The following MPPED1 variants were observed in gnomAD, a reference collection of about 807,000 sequenced individuals.
MPPED1 encodes metallophosphoesterase domain-containing protein 1.
Under a neutral mutation model 36.2 loss-of-function variants are expected in MPPED1, and 16 were observed. The ratio of observed to expected loss-of-function variants is 0.44; its 90% CI spans 0.30 to 0.67. The LOEUF (loss-of-function observed/expected upper bound fraction) is 0.67. Among genes scored for constraint, MPPED1 ranks in the 30% least tolerant of loss-of-function variants. The pLI is 0.10. For synonymous variants in MPPED1, 199 were observed against 191.3 expected (o/e 1.04, Z -0.33); for missense variants, 307 against 453.4 (o/e 0.68, Z 2.93).
chr22:43,484,343 G>C (rs73170009), intron 4 of MPPED1, among the ~76,000 whole-genome samples: 5,036 of 152,304 alleles, frequency 0.033, 99 homozygotes, highest in South Asian at 0.054. Flanking sequence ...CTAGCATCTG[G>C]CTCAAGATCT....
intron 4 of MPPED1, among the ~76,000 whole-genome samples, chr22:43,497,119 G>A (rs1407266120): frequency 1.3e-5 from 2 of 151,162 alleles, no homozygotes; most frequent in African/African-American, 4.9e-5. Flanking sequence ...TGGAGGTGGT[G>A]ATGGACGTGG....
Position 43,502,590 on chromosome 22 carries a change from G to C in MPPED1, c.749-54G>C. 1 of 1,448,106 alleles carries C rather than the reference G, an allele frequency of 6.9e-7. No homozygotes were observed. The highest frequency in any genetic ancestry group is 9.7e-7 in the Non-Finnish European group (1 of 1,033,010). The allele number at this position is 1,448,106 out of a possible 1,614,324, so 89.7% of individuals were successfully genotyped here. A position where few individuals can be genotyped will look rare whatever the true frequency, so the allele number is the denominator to read the frequency against. On this transcript the variant is annotated intron_variant, in intron 5 of 6. Transcript: ENST00000443721. The surrounding 1 kb of genome is among the most constrained non-coding windows in gnomAD (Gnocchi z 5.5). ...AGAAGCTGCTGCTAGGCGTGGGGCA[G>C]TGAGGGGCTGGGACAGACCGCGTCA... is the stretch of plus-strand genomic sequence containing the variant.
intron 4 of MPPED1, among the ~76,000 whole-genome samples, chr22:43,493,463 CA>C (rs1385102619): frequency 6.6e-6 from 1 of 152,184 alleles, no homozygotes; most frequent in Non-Finnish European, 1.5e-5. Context: ...GAGGCACTGG[CA>C]ATGGCAAAGC....
At chr22:43,414,232 C>G (rs1929001912) in intron 1 of MPPED1, among the ~76,000 whole-genome samples, 1 of 152,234 alleles carries the variant, frequency 6.6e-6, no homozygotes, top group South Asian at 2.1e-4. Flanking sequence ...AAATCTTCAT[C>G]CAATGAATGT....
rs540641073 is a variant in MPPED1 at position 43,505,604 on chromosome 22, C to T, written c.969C>T (p.Pro323=). The change falls in exon 7 of 7, where the codon CCC becomes CCT. Residue 323 remains proline, a synonymous_variant. Transcript: ENST00000443721. ...NPPIVIDLPT[P]RNS is the part of the protein sequence containing the mutation. The stretch of plus-strand genomic sequence containing the variant: ...CCATAGTCATCGACCTCCCCACACC[C>T]CGGAACTCCTGACTGCTCCCCACTG... 6.2e-7 allele frequency: 1 copy of T among 1,610,364 alleles called. No homozygotes were observed. The highest frequency in any genetic ancestry group is 1.3e-5 in the African/African-American group (1 of 74,922).
intron 3 of MPPED1, among the ~76,000 whole-genome samples, chr22:43,461,100 A>C (rs918403077): frequency 2.0e-5 from 3 of 152,222 alleles, no homozygotes; most frequent in Non-Finnish European, 4.4e-5. Flanking sequence ...GCAGTGGCAC[A>C]CACCTATAAT....
intron 3 of MPPED1, among the ~76,000 whole-genome samples, chr22:43,440,490 C>G (rs1930113305): frequency 6.6e-6 from 1 of 152,186 alleles, no homozygotes; most frequent in Admixed American, 6.5e-5. Flanking sequence ...GCCACTGACC[C>G]CAAGGCCCTG....
chr22:43,504,199 G>T (rs1400758534), intron 6 of MPPED1, among the ~76,000 whole-genome samples: 3 of 152,092 alleles, frequency 2.0e-5, no homozygotes, highest in African/African-American at 7.2e-5. Context: ...TGGTGATAAT[G>T]ATAAACGCAA....
chr22:43,456,130 T>C lies in MPPED1; in HGVS notation c.407-18606T>C, dbSNP rs545251126. Among the ~76,000 whole-genome samples the C allele has an allele frequency of 1.2e-4, 18 of 152,358 alleles. No individual in the cohort carries two copies. In the South Asian group the frequency reaches 3.3e-3, roughly 28 times the overall value. ...TCTTCCCTTCCGTTCTGGATGCTTT[T>C]ATTTCTTTTTCATGCTTCATTGCCC... On this transcript the variant is annotated intron_variant, in intron 3 of 6. Transcript: ENST00000443721.
At chr22:43,471,634 C>A (rs1005802126) in intron 3 of MPPED1, among the ~76,000 whole-genome samples, 15 of 152,248 alleles carry the variant, frequency 9.9e-5, no homozygotes, top group Admixed American at 6.5e-5. Flanking sequence ...GGACCCACTA[C>A]CAGCTGCTCA....
chr22:43,413,378 G>C (rs1413225981), intron 1 of MPPED1, among the ~76,000 whole-genome samples: 1 of 96,780 alleles, frequency 1.0e-5, no homozygotes, highest in East Asian at 5.0e-4. Context: ...ACTGGACTTT[G>C]CAAAAAAAAA....
At chr22:43,453,744 A>T (rs1930656144) in intron 3 of MPPED1, among the ~76,000 whole-genome samples, 2 of 152,188 alleles carry the variant, frequency 1.3e-5, no homozygotes. Context: ...TCACACTTCT[A>T]GTTGTCTAAG....
intron 1 of MPPED1, among the ~76,000 whole-genome samples, chr22:43,421,243 G>A (rs946660913): frequency 3.3e-5 from 5 of 152,266 alleles, no homozygotes; most frequent in South Asian, 4.1e-4. Context: ...CTCCTCGCAC[G>A]GTGGCTAACG....
At chr22:43,421,116 C>A (rs1221613754) in intron 1 of MPPED1, among the ~76,000 whole-genome samples, 1 of 152,250 alleles carries the variant, frequency 6.6e-6, no homozygotes, top group Non-Finnish European at 1.5e-5. Flanking sequence ...ACCACTGCAT[C>A]GCTCGCGTGC....
chr22:43,429,974 G>A (rs1003037272), intron 2 of MPPED1, among the ~76,000 whole-genome samples: 3 of 152,188 alleles, frequency 2.0e-5, no homozygotes, highest in South Asian at 2.1e-4. Context: ...CCCCTTGGAC[G>A]CAGTGCTTTG....
At chr22:43,493,950 T>C (rs1048423796) in intron 4 of MPPED1, among the ~76,000 whole-genome samples, 1 of 152,300 alleles carries the variant, frequency 6.6e-6, no homozygotes, top group East Asian at 1.9e-4. Flanking sequence ...CTCACGGTTC[T>C]GGAGGCTAGA....
chr22:43,490,838 TG>T (rs1188563583), intron 4 of MPPED1, among the ~76,000 whole-genome samples: 7 of 152,196 alleles, frequency 4.6e-5, no homozygotes, highest in Non-Finnish European at 1.0e-4. Context: ...CCTACCTGCC[TG>T]GTTCAGCCAG....
In MPPED1 at chr22:43,505,561, A is replaced by G. The variant is rs1317427555; in HGVS notation, c.926A>G (p.Tyr309Cys). The change falls in exon 7 of 7, where the codon TAC (tyrosine) becomes TGC (cysteine). Residue 309 changes from tyrosine (Y) to cysteine (C), a missense_variant. Physicochemically the swap from Tyr to Cys is radical, Grantham distance 194. Around this residue, in one of 3 missense-constraint regions of MPPED1, gnomAD observed 132 missense variants for 212.3 expected, o/e 0.62. Transcript: ENST00000443721. ...AATGCGTCCGTATGCACTGTGAACT[A>G]CCAGCCCGTGAACCCGCCCATAGTC... ...YVNASVCTVN[Y>C]QPVNPPIVID... The G allele has an allele frequency of 6.2e-7, 1 of 1,612,896 alleles. No individual in the cohort carries two copies. The highest frequency in any genetic ancestry group is 8.5e-7 in the Non-Finnish European group (1 of 1,179,550).
chr22:43,473,534 G>A (rs1034585952), intron 3 of MPPED1, among the ~76,000 whole-genome samples: 5 of 152,216 alleles, frequency 3.3e-5, no homozygotes, highest in African/African-American at 1.2e-4. Flanking sequence ...GGAGGGGCCA[G>A]GAGAAAGGCT....
Sources: gnomAD v4.1 joint callset for allele counts (sites outside exome capture counted in the v4.1 genomes callset) on GRCh38, gnomAD v4.1.1 for gene constraint, gnomAD v4.1.1 regional missense constraint, Gnocchi (gnomAD v3.1) non-coding constraint, MANE v1.5 for transcripts, NCBI Gene and HGNC (gene_info 2026-07-23, HGNC 2026-07-21) for gene names.